Variants in MUSK observed in about 807,000 individuals in gnomAD.
MUSK encodes the protein muscle associated receptor tyrosine kinase, also known as muscle, skeletal receptor tyrosine-protein kinase.
In MUSK, 55 loss-of-function variants were observed where a neutral mutation model predicts 88.7. The ratio of observed to expected loss-of-function variants is 0.62; its 90% CI spans 0.50 to 0.78. The LOEUF (loss-of-function observed/expected upper bound fraction) is 0.78. MUSK is among the 30% of genes least tolerant of loss of function. The probability of loss-of-function intolerance (pLI) is 0.00; values close to 1 mark genes in which losing one functional copy is unlikely to be tolerated. For missense variants in MUSK, 1,015 were observed against 1,074.3 expected (o/e 0.94, Z 0.77); for synonymous variants, 387 against 391.9 (o/e 0.99, Z 0.15).
At chr9:110,771,552 T>C (rs1253898317) in intron 9 of MUSK, among the ~76,000 whole-genome samples, 1 of 152,188 alleles carries the variant, frequency 6.6e-6, no homozygotes, top group Non-Finnish European at 1.5e-5. Flanking sequence ...GTTTTTGATA[T>C]TCATCCACAT....
intron 9 of MUSK, among the ~76,000 whole-genome samples, chr9:110,769,992 T>A (rs990019150): frequency 5.3e-5 from 8 of 152,130 alleles, no homozygotes; most frequent in Admixed American, 5.2e-4. Context: ...CACAGTACTT[T>A]CATTGCTAAA....
In MUSK at chr9:110,720,667, A is replaced by G. The variant is rs191529192; in HGVS notation, c.629-13584A>G. The stretch of plus-strand genomic sequence containing the variant: ...TAGCTGAATTGTATCAGACATTCAA[A>G]GAAGAATTGGTACCAATCCTATTGA... On this transcript the variant is annotated intron_variant, in intron 5 of 14. Coordinates refer to ENST00000374448, the MANE Select transcript of MUSK (RefSeq NM_005592.4). Among the ~76,000 whole-genome samples, 54 of 152,244 alleles carry G rather than the reference A, an allele frequency of 3.5e-4. No individual in the cohort carries two copies. In the East Asian group the frequency reaches 8.9e-3, roughly 25 times the overall value.
At chr9:110,698,005 T>C (rs2131722198) in intron 5 of MUSK, among the ~76,000 whole-genome samples, 1 of 152,304 alleles carries the variant, frequency 6.6e-6, no homozygotes, top group African/African-American at 2.4e-5. Context: ...CTGAAAATAT[T>C]TTTTAATCAG....
intron 14 of MUSK, among the ~76,000 whole-genome samples, chr9:110,788,663 T>C (rs1256614052): frequency 1.3e-5 from 2 of 151,168 alleles, no homozygotes; most frequent in African/African-American, 4.9e-5. Flanking sequence ...ATCTGTGCTC[T>C]CATAGAGCAT....
intron 11 of MUSK, among the ~76,000 whole-genome samples, chr9:110,778,741 C>T (rs2077706882): frequency 6.6e-6 from 1 of 151,944 alleles, no homozygotes; most frequent in African/African-American, 2.4e-5. Context: ...GAATGTTATA[C>T]CTGATGCATT....
chr9:110,730,176 A>T (rs1380221117), intron 5 of MUSK, among the ~76,000 whole-genome samples: 1 of 150,934 alleles, frequency 6.6e-6, no homozygotes, highest in Admixed American at 6.6e-5. Context: ...AATAGATCCC[A>T]TGAGAGAAAA....
chr9:110,776,667 T>G lies in MUSK; in HGVS notation c.1384+12T>G. The G allele has an allele frequency of 6.3e-7, 1 of 1,588,814 alleles. No individual in the cohort carries two copies. Among genetic ancestry groups the G allele is most frequent in the Middle Eastern group, 1.7e-4 (1 of 5,978 alleles). ...AGAAAACCTAAAAAGTAAGTAATTG[T>G]GTTTGTGCCCTTGAAACCTTATGTG... On this transcript the variant is annotated intron_variant, in intron 11 of 14. Transcript: ENST00000374448.
At position 110,802,442 on chromosome 9, in the gene MUSK, G is replaced by C. The variant is rs573319951; in HGVS notation, c.*1454G>C. On this transcript the variant is annotated 3_prime_UTR_variant, in exon 15 of 15. Transcript: ENST00000374448. Reference sequence around the variant, plus strand: ...TAATTCAGACTAATTGGTAGTTAGGGCATTGGAGGAATGGTGTGAATTCTT... The same window carrying C: ...TAATTCAGACTAATTGGTAGTTAGGCCATTGGAGGAATGGTGTGAATTCTT... 6.6e-6 allele frequency among the ~76,000 whole-genome samples: 1 copy of C among 152,248 alleles called. No individual in the cohort carries two copies. Among genetic ancestry groups the C allele is most frequent in the Admixed American group, 6.5e-5 (1 of 15,296 alleles).
intron 5 of MUSK, among the ~76,000 whole-genome samples, chr9:110,711,199 A>G (rs889795799): frequency 1.3e-5 from 2 of 152,168 alleles, no homozygotes; most frequent in African/African-American, 2.4e-5. Flanking sequence ...ACATGTATAC[A>G]TATGTAACAA....
At chr9:110,746,729 T>A (rs955383322) in intron 6 of MUSK, among the ~76,000 whole-genome samples, 1 of 152,176 alleles carries the variant, frequency 6.6e-6, no homozygotes, top group African/African-American at 2.4e-5. Flanking sequence ...CTGGATGAAG[T>A]CCAGGAGAAG....
chr9:110,686,698 A>AT (rs1182336679), intron 2 of MUSK, among the ~76,000 whole-genome samples: 2 of 152,196 alleles, frequency 1.3e-5, no homozygotes, highest in Non-Finnish European at 2.9e-5. Context: ...TCAACTAATC[A>AT]TTAGTTACTT....
At chr9:110,693,182 A>G (rs565609728) in intron 3 of MUSK, among the ~76,000 whole-genome samples, 2 of 152,266 alleles carry the variant, frequency 1.3e-5, no homozygotes, top group Admixed American at 1.3e-4. Context: ...ACTTTGTGAC[A>G]CTACCTTTCT....
At chr9:110,764,616 T>C (rs913282131) in intron 8 of MUSK, among the ~76,000 whole-genome samples, 48 of 74,446 alleles carry the variant, frequency 6.4e-4, no homozygotes, top group Middle Eastern at 6.1e-3. Context: ...GATAGATAGA[T>C]AGATAGATAG....
chr9:110,764,680 G>T (rs1192947133), intron 8 of MUSK, among the ~76,000 whole-genome samples: 1 of 152,044 alleles, frequency 6.6e-6, no homozygotes, highest in African/African-American at 2.4e-5. Flanking sequence ...ACCTTTTAGA[G>T]CTAATCCAAG....
At chr9:110,761,971 A>G (rs1437997345) in intron 7 of MUSK, 7 of 971,682 alleles carry the variant, frequency 7.2e-6, no homozygotes, top group Non-Finnish European at 8.6e-6. Flanking sequence ...TGATTGACTC[A>G]GTTTGAAAAG....
chr9:110,695,762 G>T (rs12001846), intron 4 of MUSK, among the ~76,000 whole-genome samples: 1 of 151,906 alleles, frequency 6.6e-6, no homozygotes, highest in South Asian at 2.1e-4. Flanking sequence ...AGAAAAGGAG[G>T]CAATGAAAAA....
At chr9:110,779,107 T>G (rs1028166373) in intron 11 of MUSK, among the ~76,000 whole-genome samples, 27 of 151,932 alleles carry the variant, frequency 1.8e-4, no homozygotes, top group African/African-American at 6.3e-4. Context: ...ATGAATTATT[T>G]CATAATTTGA....
chr9:110,738,323 C>T (rs940439657), intron 6 of MUSK, among the ~76,000 whole-genome samples: 4 of 152,092 alleles, frequency 2.6e-5, no homozygotes, highest in African/African-American at 9.7e-5. Flanking sequence ...ATTATTATTA[C>T]TGTAACTCTG....
In MUSK at chr9:110,719,431, A is replaced by T. The variant is rs899785332; in HGVS notation, c.629-14820A>T. On this transcript the variant is annotated intron_variant, in intron 5 of 14. Coordinates refer to ENST00000374448, the MANE Select transcript of MUSK (RefSeq NM_005592.4). ...CAAACAGACACCAAAAGCGAGCAGG[A>T]GTCGCTATTCTTATATCAGACAAAA... Among the ~76,000 whole-genome samples the T allele has an allele frequency of 1.8e-4, 28 of 152,230 alleles. 1 individual carries two copies. Among genetic ancestry groups the T allele is most frequent in the African/African-American group, 6.5e-4 (27 of 41,582 alleles).
Sources: allele counts gnomAD v4.1 joint callset (sites outside exome capture counted in the v4.1 genomes callset), GRCh38; gene constraint gnomAD v4.1.1; transcripts MANE v1.5; gene names NCBI Gene and HGNC (gene_info 2026-07-23, HGNC 2026-07-21).